MBD5: variants seen among roughly 807,000 people sequenced by gnomAD.
MBD5 encodes the protein methyl-CpG-binding domain protein 5.
Under a neutral mutation model 117.3 loss-of-function variants are expected in MBD5, and 13 were observed. The ratio of observed to expected loss-of-function variants is 0.11; its 90% CI spans 0.07 to 0.18. The LOEUF (loss-of-function observed/expected upper bound fraction) is 0.18. Ranked by LOEUF, MBD5 falls within the 10% of genes least tolerant of loss-of-function variation. The probability of loss-of-function intolerance (pLI) is 1.00; values close to 1 mark genes in which losing one functional copy is unlikely to be tolerated. For missense variants in MBD5, 1,879 were observed against 2,093.8 expected (o/e 0.90, Z 2.00); for synonymous variants, 727 against 766.4 (o/e 0.95, Z 0.85).
At chr2:148,054,894 AGTTTCCATT>A (rs1341864839) in intron 1 of MBD5, 1 of 152,118 alleles carries the variant, frequency 6.6e-6, no homozygotes, top group South Asian at 2.1e-4. Context: ...AGAGTATGAG[AGTTTCCATT>A]GTTTTGCTGT....
intron 4 of MBD5, among the ~76,000 whole-genome samples, chr2:148,355,274 T>C (rs889820331): frequency 3.3e-5 from 5 of 151,968 alleles, no homozygotes; most frequent in African/African-American, 1.2e-4. Flanking sequence ...GCTCTTTAGT[T>C]TAATTAGATC....
intron 4 of MBD5, among the ~76,000 whole-genome samples, chr2:148,373,903 CAT>C (rs1163992500): frequency 6.6e-6 from 1 of 151,978 alleles, no homozygotes; most frequent in East Asian, 1.9e-4. Context: ...TCAGTAGTAA[CAT>C]AATACAGGCT....
intron 8 of MBD5, 136 bp from the exon 9 acceptor site, chr2:148,482,974 A>G: frequency 1.1e-6 from 1 of 935,762 alleles, no homozygotes; most frequent in Non-Finnish European, 1.6e-6. Context: ...TCTGATTACA[A>G]TTAATCTAGT....
chr2:148,334,557 C>G (rs1425666645), intron 3 of MBD5, among the ~76,000 whole-genome samples: 2 of 152,080 alleles, frequency 1.3e-5, no homozygotes, highest in South Asian at 4.1e-4. Flanking sequence ...TGACCTCAAG[C>G]TCCTGGTCTC....
intron 4 of MBD5, among the ~76,000 whole-genome samples, chr2:148,450,957 T>G (rs1706709155): frequency 6.6e-6 from 1 of 152,172 alleles, no homozygotes; most frequent in Non-Finnish European, 1.5e-5. Flanking sequence ...CTGGCCTCAC[T>G]CTCAGGAGCC....
intron 3 of MBD5, among the ~76,000 whole-genome samples, chr2:148,317,135 G>A (rs1702174025): frequency 6.6e-6 from 1 of 152,112 alleles, no homozygotes; most frequent in Non-Finnish European, 1.5e-5. Context: ...GATCACCTGA[G>A]GTCGGGAGTT....
intron 4 of MBD5, among the ~76,000 whole-genome samples, chr2:148,348,430 G>A (rs909063505): frequency 1.3e-5 from 2 of 151,992 alleles, no homozygotes; most frequent in Admixed American, 1.3e-4. Flanking sequence ...ATACACCTTT[G>A]AAGCCTTCTC....
intron 1 of MBD5, among the ~76,000 whole-genome samples, chr2:148,116,238 A>G (rs748691208): frequency 6.6e-6 from 1 of 151,964 alleles, no homozygotes; most frequent in Non-Finnish European, 1.5e-5. Context: ...TATTGGAAAT[A>G]TAGAGTTCTT....
At chr2:148,335,318 T>C (rs1449933981) in intron 3 of MBD5, among the ~76,000 whole-genome samples, 24 of 151,756 alleles carry the variant, frequency 1.6e-4, no homozygotes, top group Admixed American at 1.5e-3. Flanking sequence ...GAGGCAGAGA[T>C]TGCAGTGAGC....
At chr2:148,304,868 C>T (rs1424740079) in intron 3 of MBD5, among the ~76,000 whole-genome samples, 1 of 151,928 alleles carries the variant, frequency 6.6e-6, no homozygotes, top group African/African-American at 2.4e-5. Flanking sequence ...CGAGACCATC[C>T]CGGCTAAAAA....
chr2:148,349,994 C>G (rs1703214431), intron 4 of MBD5, among the ~76,000 whole-genome samples: 1 of 151,910 alleles, frequency 6.6e-6, no homozygotes, highest in South Asian at 2.1e-4. Context: ...AAACATTTAT[C>G]TTAACACTGG....
chr2:148,426,633 C>A (rs1184073445), intron 4 of MBD5, among the ~76,000 whole-genome samples: 1 of 152,082 alleles, frequency 6.6e-6, no homozygotes, highest in Non-Finnish European at 1.5e-5. Context: ...CTTCCTTACA[C>A]CTTATACAAA....
intron 3 of MBD5, among the ~76,000 whole-genome samples, chr2:148,289,587 A>G (rs1048188264): frequency 5.9e-5 from 9 of 152,212 alleles, no homozygotes; most frequent in Admixed American, 3.3e-4. Flanking sequence ...CTAAAAATCT[A>G]TTCTAAGGAA....
chr2:148,378,731 C>G (rs994356779), intron 4 of MBD5, among the ~76,000 whole-genome samples: 1 of 151,940 alleles, frequency 6.6e-6, no homozygotes, highest in Admixed American at 6.6e-5. Context: ...TACCCATATT[C>G]TAATTAAAAT....
chr2:148,492,303 G>A (rs563411968), intron 11 of MBD5, among the ~76,000 whole-genome samples: 3 of 151,990 alleles, frequency 2.0e-5, no homozygotes, highest in Non-Finnish European at 4.4e-5. Flanking sequence ...GGCAATAGAT[G>A]AATTATAATA....
At chr2:148,460,619 C>T (rs1318810900) in intron 5 of MBD5, among the ~76,000 whole-genome samples, 1 of 152,158 alleles carries the variant, frequency 6.6e-6, no homozygotes, top group African/African-American at 2.4e-5. Flanking sequence ...TTAAATTTTC[C>T]ACCTACTTCC....
chr2:148,445,006 G>A (rs1574430019), intron 4 of MBD5, among the ~76,000 whole-genome samples: 1 of 150,998 alleles, frequency 6.6e-6, no homozygotes. Flanking sequence ...CACATCCCTT[G>A]CTTGCTCCTT....
chr2:148,327,461 C>T (rs1702489985), intron 3 of MBD5, among the ~76,000 whole-genome samples: 1 of 152,166 alleles, frequency 6.6e-6, no homozygotes, highest in Non-Finnish European at 1.5e-5. Flanking sequence ...CCATTCTCCC[C>T]ATCACTTTCA....
chr2:148,153,916 G>A (rs1398408383), intron 1 of MBD5, among the ~76,000 whole-genome samples: 1 of 114,722 alleles, frequency 8.7e-6, no homozygotes. Flanking sequence ...TAATTTGATC[G>A]TCTGAAGCCT....
Sources: allele counts gnomAD v4.1 joint callset (sites outside exome capture counted in the v4.1 genomes callset), GRCh38; gene constraint gnomAD v4.1.1; transcripts MANE v1.5; gene names NCBI Gene and HGNC (gene_info 2026-07-23, HGNC 2026-07-21).